CES2: variants seen among roughly 807,000 people sequenced by gnomAD.
The protein encoded by CES2 is cocaine esterase.
A neutral mutation model predicts 52.1 loss-of-function variants in CES2; 42 were observed. The observed-to-expected ratio is 0.81, with a 90% confidence interval of 0.63 to 1.04. The LOEUF (loss-of-function observed/expected upper bound fraction) is 1.04, where lower values mean the gene tolerates loss of function less well. Among genes scored for constraint, CES2 ranks in the 50% least tolerant of loss-of-function variants. The pLI is 0.00. For synonymous variants in CES2, 277 were observed against 289.6 expected (o/e 0.96, Z 0.44); for missense variants, 656 against 724.3 (o/e 0.91, Z 1.08).
At chr16:66,940,035 G>A (rs1033430262) in intron 3 of CES2, among the ~76,000 whole-genome samples, 187 bp from the exon 4 acceptor site, 2 of 152,188 alleles carry the variant, frequency 1.3e-5, no homozygotes, top group Non-Finnish European at 2.9e-5. Flanking sequence ...GGGTTCGATT[G>A]CAAAGATTGG....
At chr16:66,936,588 C>T (rs1252383545) in intron 1 of CES2, among the ~76,000 whole-genome samples, 3 of 152,142 alleles carry the variant, frequency 2.0e-5, no homozygotes, top group African/African-American at 7.2e-5. Context: ...TGGGCAAGGG[C>T]ACAACTTGGC....
upstream of CES2, chr16:66,935,375 G>C: frequency 1.3e-6 from 2 of 1,493,676 alleles, no homozygotes; most frequent in Non-Finnish European, 1.8e-6. Context: ...TTCCGAGGAT[G>C]CCAAAGGAGC....
chr16:66,943,063 A>G lies in CES2; in HGVS notation c.1421-236A>G, dbSNP rs1224914743. ...CATGTTTATTTCTTCAGTGACTCCCAGAGATAGAAGGAAGAAGGGGCCTTT... is the reference window on the plus strand; with the variant it reads ...CATGTTTATTTCTTCAGTGACTCCCGGAGATAGAAGGAAGAAGGGGCCTTT... On this transcript the variant is annotated intron_variant, in intron 10 of 11. Coordinates refer to ENST00000317091, the MANE Select transcript of CES2 (RefSeq NM_001365405.1). This position sits in a 1 kb window ranked among gnomAD's most constrained non-coding sequence, Gnocchi z 4.2. Among the ~76,000 whole-genome samples, 2 of 152,216 alleles carry G rather than the reference A, an allele frequency of 1.3e-5. No individual in the cohort carries two copies. Among genetic ancestry groups the G allele is most frequent in the African/African-American group, 2.4e-5 (1 of 41,454 alleles).
At position 66,943,392 on chromosome 16, in the gene CES2, C is replaced by T. The variant is rs1303472432; in HGVS notation, c.1493+21C>T. On this transcript the variant is annotated intron_variant, in intron 11 of 11. Transcript: ENST00000317091. This position sits in a 1 kb window ranked among gnomAD's most constrained non-coding sequence, Gnocchi z 4.2. ...AATGGGTGAGACAGCACACCCCTGC[C>T]TCAACCTCCCCGATTGGGGGACTTG... 1.2e-5 allele frequency: 20 copies of T among 1,613,834 alleles called. No homozygotes were observed. The highest frequency in any genetic ancestry group is 1.5e-5 in the Non-Finnish European group (18 of 1,179,786).
intron 9 of CES2, 72 bp from the exon 10 acceptor site, chr16:66,942,576 C>T: frequency 6.4e-7 from 1 of 1,561,382 alleles, no homozygotes; most frequent in Non-Finnish European, 8.8e-7. Flanking sequence ...ACCTAGGTAT[C>T]TTATCACCAT....
At position 66,939,281 on chromosome 16, in the gene CES2, TC is replaced by T; in HGVS notation, c.348del (p.Asp117ThrfsTer26). 1.9e-6 allele frequency: 3 copies of T among 1,613,956 alleles called. No individual in the cohort carries two copies. Among genetic ancestry groups the T allele is most frequent in the Non-Finnish European group, 2.5e-6 (3 of 1,179,864 alleles). On this transcript the variant is annotated frameshift_variant, in exon 3 of 12. Transcript: ENST00000317091. LOFTEE classifies it high-confidence loss of function. The part of the protein sequence containing the change: ...FLSQFNMTFP[S>X]DSMSEDCLYL... Reference sequence around the variant, plus strand: ...TAGCCAGTTCAACATGACCTTCCCTTCCGACTCCATGTCTGAGGACTGCCTG... The same window carrying T: ...TAGCCAGTTCAACATGACCTTCCCTTCGACTCCATGTCTGAGGACTGCCTG...
At chr16:66,937,381 C>A (rs1963238714) in intron 1 of CES2, among the ~76,000 whole-genome samples, 1 of 152,186 alleles carries the variant, frequency 6.6e-6, no homozygotes, top group East Asian at 1.9e-4. Flanking sequence ...CAGCAGTTTA[C>A]ACAAGAATAG....
Position 66,942,638 on chromosome 16 carries a change from C to G in CES2, c.1283-10C>G. On this transcript the variant is annotated splice_polypyrimidine_tract_variant and intron_variant, in intron 9 of 11. Transcript: ENST00000317091. ...AGGGGCCACCGTGTCATGGGCTGTC[C>G]ACCCCACAGGTTCCCGGGCCCCTGT... is the stretch of plus-strand genomic sequence containing the variant. 1 of 1,614,070 alleles carries G rather than the reference C, an allele frequency of 6.2e-7. No homozygotes were observed. Among genetic ancestry groups the G allele is most frequent in the African/African-American group, 1.3e-5 (1 of 75,028 alleles).
Position 66,943,528 on chromosome 16 carries a change from T to C in CES2, c.1493+157T>C, listed in dbSNP as rs1963413585. 1.3e-6 allele frequency: 1 copy of C among 742,646 alleles called. No individual in the cohort carries two copies. Among genetic ancestry groups the C allele is most frequent in the Non-Finnish European group, 2.2e-6 (1 of 448,572 alleles). The allele number at this position is 742,646 out of a possible 1,614,324, so 46.0% of individuals were successfully genotyped here. ...GGGACCCACTCAGACAGGGTGGGGG[T>C]GCGTGGGGCAGTGGACACGCTCTAT... On this transcript the variant is annotated intron_variant, in intron 11 of 11. Transcript: ENST00000317091. The surrounding 1 kb of genome is among the most constrained non-coding windows in gnomAD (Gnocchi z 4.2).
Position 66,938,044 on chromosome 16 carries a change from C to G in CES2, c.84C>G (p.Asp28Glu), listed in dbSNP as rs1963256527. The change falls in exon 2 of 12, where the codon GAC becomes GAG. Residue 28 changes from aspartate to glutamate, a missense_variant. Physicochemically the swap from Asp to Glu is conservative, Grantham distance 45. Transcript: ENST00000317091. ...CTGTCTCTCTGCCCACAGGCCAGGA[C>G]TCAGCCAGTCCCATCCGGACCACAC... The part of the protein sequence containing the change: ...LLLLVRGQGQ[D>E]SASPIRTTHT... The G allele has an allele frequency of 2.5e-6, 4 of 1,614,048 alleles. No individual in the cohort carries two copies. Among genetic ancestry groups the G allele is most frequent in the Admixed American group, 1.7e-5 (1 of 60,028 alleles).
intron 2 of CES2, among the ~76,000 whole-genome samples, chr16:66,938,592 T>C (rs982653784): frequency 6.6e-6 from 1 of 152,166 alleles, no homozygotes; most frequent in Non-Finnish European, 1.5e-5. Context: ...ATGAACCTTG[T>C]AGGAGCCCCT....
In CES2 at chr16:66,943,813, G is replaced by A. The variant is rs1963420321; in HGVS notation, c.1494-26G>A. ...GGGGGCCCAGAGTGACCCTCATACTGCCCTGCTGGGATGGCATGTCTACAG... is the reference window on the plus strand; with the variant it reads ...GGGGGCCCAGAGTGACCCTCATACTACCCTGCTGGGATGGCATGTCTACAG... On this transcript the variant is annotated intron_variant, in intron 11 of 11. Coordinates refer to ENST00000317091, the MANE Select transcript of CES2 (RefSeq NM_001365405.1). This position sits in a 1 kb window ranked among gnomAD's most constrained non-coding sequence, Gnocchi z 4.2. The A allele has an allele frequency of 6.4e-7, 1 of 1,566,278 alleles. No individual in the cohort carries two copies. Among genetic ancestry groups the A allele is most frequent in the Non-Finnish European group, 8.7e-7 (1 of 1,148,198 alleles).
chr16:66,938,282 G>A, intron 2 of CES2, 41 bp downstream of exon 2: 1 of 1,437,114 alleles, frequency 7.0e-7, no homozygotes, highest in Non-Finnish European at 9.8e-7. Flanking sequence ...AGGCCCTGGG[G>A]CAGGGGTGGG....
rs564606983 is a variant in CES2 at position 66,938,120 on chromosome 16, G to A, written c.160G>A (p.Gly54Arg). 33 of 1,614,118 alleles carry A rather than the reference G, an allele frequency of 2.0e-5. 1 individual carries two copies. The East Asian group carries it at 3.6e-4, about 17-fold the overall frequency. ...SLVHVKGANA[G>R]VQTFLGIPFA... ...TGTCCATGTGAAGGGCGCCAATGCCGGGGTCCAAACCTTCCTGGGAATTCC... is the reference window on the plus strand; with the variant it reads ...TGTCCATGTGAAGGGCGCCAATGCCAGGGTCCAAACCTTCCTGGGAATTCC... Residue 54 changes from glycine (G) to arginine (R), a missense_variant, in exon 2 of 12, where the codon GGG (glycine) becomes AGG (arginine). By Grantham distance (125) the Gly-to-Arg change is moderately radical. Transcript: ENST00000317091.
chr16:66,939,175 C>T (rs951377334), intron 2 of CES2, 42 bp from the exon 3 acceptor site: 12 of 1,605,122 alleles, frequency 7.5e-6, no homozygotes, highest in Admixed American at 1.7e-5. Flanking sequence ...TGGTTTTGGC[C>T]ACAGCCTGGC....
chr16:66,940,471 T>C lies in CES2; in HGVS notation c.592T>C (p.Tyr198His), dbSNP rs776832259. 3 of 1,614,076 alleles carry C rather than the reference T, an allele frequency of 1.9e-6. No individual in the cohort carries two copies. In the East Asian group the frequency reaches 6.7e-5, roughly 36 times the overall value. Residue 198 changes from tyrosine (Y) to histidine (H), a missense_variant, in exon 5 of 12, where the codon TAC becomes CAC. Coordinates refer to ENST00000317091, the MANE Select transcript of CES2 (RefSeq NM_001365405.1). ...CAAGCACGCAACCGGCAACTGGGGCTACCTGGACCAAGTGGCTGCACTACG... is the reference window on the plus strand; with the variant it reads ...CAAGCACGCAACCGGCAACTGGGGCCACCTGGACCAAGTGGCTGCACTACG... ...GDKHATGNWG[Y>H]LDQVAALRWV...
rs1435958841 is a variant in CES2, at chr16:66,944,061, A to C, written c.*36A>C. 5.6e-6 allele frequency: 7 copies of C among 1,253,962 alleles called. No individual in the cohort carries two copies. The African/African-American group carries it at 9.0e-5, about 16-fold the overall frequency. 77.7% of individuals were successfully genotyped at this position (1,253,962 alleles called of 1,614,324 possible). A position where few individuals can be genotyped will look rare whatever the true frequency, so the allele number is the denominator to read the frequency against. On this transcript the variant is annotated 3_prime_UTR_variant, in exon 12 of 12. Coordinates refer to ENST00000317091, the MANE Select transcript of CES2 (RefSeq NM_001365405.1). ...CGGGGAGGAGGGGGTGGGTTCGCTG[A>C]CAGGCGAGGGTCAGCCTGCTGTGCC...
At chr16:66,937,347 T>G (rs1404024126) in intron 1 of CES2, among the ~76,000 whole-genome samples, 1 of 152,200 alleles carries the variant, frequency 6.6e-6, no homozygotes, top group Non-Finnish European at 1.5e-5. Flanking sequence ...AACTGCTTGT[T>G]GACACCGCAG....
rs751884131 is a variant in CES2 at position 66,941,612 on chromosome 16, T to A, written c.1022T>A (p.Val341Asp). ...CAGCCTGTCCCTAGCATTGTTGGTGTCAACAACAATGAATTCGGCTGGCTC... is the reference window on the plus strand; with the variant it reads ...CAGCCTGTCCCTAGCATTGTTGGTGACAACAACAATGAATTCGGCTGGCTC... ...DFQPVPSIVGVNNNEFGWLIP... is the reference protein window; with the variant it reads ...DFQPVPSIVGDNNNEFGWLIP... The change falls in exon 7 of 12, where the codon GTC (valine) becomes GAC (aspartate). Residue 341 changes from valine to aspartate, a missense_variant. Transcript: ENST00000317091. 1 of 1,613,992 alleles carries A rather than the reference T, an allele frequency of 6.2e-7. No homozygotes were observed. The highest frequency in any genetic ancestry group is 8.5e-7 in the Non-Finnish European group (1 of 1,179,972).
Sources: allele counts gnomAD v4.1 joint callset (sites outside exome capture counted in the v4.1 genomes callset), GRCh38; gene constraint gnomAD v4.1.1; non-coding constraint Gnocchi (gnomAD v3.1); transcripts MANE v1.5; gene names NCBI Gene and HGNC (gene_info 2026-07-23, HGNC 2026-07-21).